Variants in ARPC2 observed in about 807,000 individuals in gnomAD.
ARPC2 encodes actin-related protein 2/3 complex subunit 2.
In ARPC2, 4 loss-of-function variants were observed where a neutral mutation model predicts 38.6. The ratio of observed to expected loss-of-function variants is 0.10; its 90% CI spans 0.05 to 0.24. ARPC2 has a LOEUF of 0.24. Among genes scored for constraint, ARPC2 ranks in the 10% least tolerant of loss-of-function variants. ARPC2 has a pLI of 1.00. For missense variants in ARPC2, 229 were observed against 387.3 expected (o/e 0.59, Z 3.43); for synonymous variants, 125 against 140.8 (o/e 0.89, Z 0.79).
intron 7 of ARPC2, among the ~76,000 whole-genome samples, chr2:218,240,467 A>G (rs1234536480): frequency 6.6e-6 from 1 of 152,178 alleles, no homozygotes; most frequent in East Asian, 1.9e-4. Context: ...GTCTTTTCAG[A>G]ATGGACTGTA....
At chr2:218,225,849 CT>C in intron 2 of ARPC2, 70 bp from the exon 3 acceptor site, 1 of 1,497,388 alleles carries the variant, frequency 6.7e-7, no homozygotes, top group Non-Finnish European at 9.3e-7. Flanking sequence ...GCTCAGGTGC[CT>C]TTCCAGTTCC....
At chr2:218,217,623 C>A in intron 2 of ARPC2, 79 bp downstream of exon 2, 1 of 1,412,984 alleles carries the variant, frequency 7.1e-7, no homozygotes, top group South Asian at 1.2e-5. Flanking sequence ...TCCAGTCCCC[C>A]AGACCTGGAG....
intron 7 of ARPC2, among the ~76,000 whole-genome samples, chr2:218,244,739 CAA>C (rs1361722330): frequency 5.9e-5 from 9 of 152,240 alleles, no homozygotes; most frequent in Admixed American, 2.0e-4. Flanking sequence ...ACTCCTAAAA[CAA>C]GAGACCTTGG....
At chr2:218,245,022 G>A (rs937584538) in intron 7 of ARPC2, among the ~76,000 whole-genome samples, 3 of 152,160 alleles carry the variant, frequency 2.0e-5, no homozygotes, top group African/African-American at 4.8e-5. Flanking sequence ...TCTTCTGTCC[G>A]CAAGAAGAGC....
At chr2:218,227,451 TCTCA>T (rs1689526422) in intron 3 of ARPC2, among the ~76,000 whole-genome samples, 1 of 152,258 alleles carries the variant, frequency 6.6e-6, no homozygotes, top group East Asian at 1.9e-4. Context: ...TGAGACTGAG[TCTCA>T]CTCTGTCACC....
At chr2:218,234,248 T>C in intron 4 of ARPC2, 104 bp from the exon 5 acceptor site, 1 of 860,620 alleles carries the variant, frequency 1.2e-6, no homozygotes, top group Non-Finnish European at 1.8e-6. Context: ...TTAGGAAGAA[T>C]GCCAACTTAG....
chr2:218,241,320 C>T (rs746785431), intron 7 of ARPC2, among the ~76,000 whole-genome samples: 1 of 152,140 alleles, frequency 6.6e-6, no homozygotes, highest in Non-Finnish European at 1.5e-5. Context: ...TAATCAGAAA[C>T]TAGTTTGGGA....
intron 4 of ARPC2, among the ~76,000 whole-genome samples, chr2:218,230,271 C>CTTTTCTTTTTT (rs1689598956): frequency 7.0e-6 from 1 of 142,520 alleles, no homozygotes; most frequent in Non-Finnish European, 1.5e-5. Context: ...CGTGCCCAGC[C>CTTTTCTTTTTT]TTTTCTTTTT....
chr2:218,228,460 G>A (rs538757230), intron 3 of ARPC2, among the ~76,000 whole-genome samples: 1 of 152,040 alleles, frequency 6.6e-6, no homozygotes, highest in Admixed American at 6.5e-5. Flanking sequence ...TATACTGTTC[G>A]TTCTGCTTAT....
rs111697110 is a variant in ARPC2 at position 218,239,371 on chromosome 2, A to T, written c.456-20A>T. On this transcript the variant is annotated intron_variant, in intron 6 of 10. Transcript: ENST00000315717. ...CCATTCTGATTCTGTACTTATCCTC[A>T]TGGATTTTGTTCCTCTCAGGTATGT... is the stretch of plus-strand genomic sequence containing the variant. 7.7e-5 allele frequency: 121 copies of T among 1,564,552 alleles called. No homozygotes were observed. The highest frequency in any genetic ancestry group is 1.0e-4 in the Non-Finnish European group (114 of 1,135,284).
chr2:218,224,289 G>A (rs1689448604), intron 2 of ARPC2, among the ~76,000 whole-genome samples: 1 of 152,100 alleles, frequency 6.6e-6, no homozygotes. Context: ...GTAGGAGAGT[G>A]AGGAACTCAG....
chr2:218,240,474 T>G (rs1176428384), intron 7 of ARPC2, among the ~76,000 whole-genome samples: 1 of 152,186 alleles, frequency 6.6e-6, no homozygotes, highest in Non-Finnish European at 1.5e-5. Context: ...CAGAATGGAC[T>G]GTATAGCCAA....
intron 7 of ARPC2, among the ~76,000 whole-genome samples, chr2:218,243,035 G>T (rs147634171): frequency 6.6e-6 from 1 of 152,102 alleles, no homozygotes; most frequent in African/African-American, 2.4e-5. Flanking sequence ...TTCCCTACTC[G>T]AAGGTTATAA....
chr2:218,240,740 A>C (rs2106155059), intron 7 of ARPC2, among the ~76,000 whole-genome samples: 2 of 152,238 alleles, frequency 1.3e-5, no homozygotes, highest in South Asian at 2.1e-4. Context: ...AAAAATACAA[A>C]AAATTAGCCG....
intron 2 of ARPC2, among the ~76,000 whole-genome samples, chr2:218,223,566 G>A (rs138709254): frequency 4.6e-5 from 7 of 152,286 alleles, no homozygotes; most frequent in Non-Finnish European, 8.8e-5. Context: ...ATCCCCCACA[G>A]ATAAGGGGAG....
At chr2:218,251,293 C>T (rs1156468716) in intron 10 of ARPC2, among the ~76,000 whole-genome samples, 2 of 152,194 alleles carry the variant, frequency 1.3e-5, no homozygotes, top group Non-Finnish European at 1.5e-5. Context: ...TTCACTACGA[C>T]CTCTGCCTCC....
At chr2:218,237,975 G>A (rs1317395285) in intron 5 of ARPC2, among the ~76,000 whole-genome samples, 2 of 152,180 alleles carry the variant, frequency 1.3e-5, no homozygotes, top group Non-Finnish European at 2.9e-5. Flanking sequence ...GGCAAGTCAC[G>A]TCACTTCTTT....
Position 218,217,253 on chromosome 2 carries a change from A to G in ARPC2, c.-10A>G. 2.3e-6 allele frequency: 1 copy of G among 428,318 alleles called. No homozygotes were observed. The highest frequency in any genetic ancestry group is 3.0e-5 in the South Asian group (1 of 33,778). 26.5% of individuals were successfully genotyped at this position (428,318 alleles called of 1,614,324 possible). The stretch of plus-strand genomic sequence containing the variant: ...CAGGCGGGTTCAGGCTTCGGGGGCC[A>G]GGTCGGTTGGGTGGGTGGGTGTCTC... On this transcript the variant is annotated splice_region_variant and 5_prime_UTR_variant, in exon 1 of 11. Transcript: ENST00000315717.
In ARPC2 at chr2:218,249,885, G is replaced by T. The variant is rs188696608; in HGVS notation, c.842G>T (p.Arg281Leu). ...SDFLKVLNRA[R>L]PDAEKKEMKT... ...TTCCTCAAGGTGCTGAACCGCGCACGCCCAGATGCCGAGAAAAAAGAAATG... is the reference window on the plus strand; with the variant it reads ...TTCCTCAAGGTGCTGAACCGCGCACTCCCAGATGCCGAGAAAAAAGAAATG... The change falls in exon 10 of 11, where the codon CGC becomes CTC. Residue 281 changes from arginine to leucine, a missense_variant. Around this residue, in one of 3 missense-constraint regions of ARPC2, gnomAD observed 92 missense variants for 152.3 expected, o/e 0.60. Transcript: ENST00000315717. The T allele has an allele frequency of 1.2e-6, 2 of 1,613,514 alleles. No homozygotes were observed. Among genetic ancestry groups the T allele is most frequent in the Non-Finnish European group, 1.7e-6 (2 of 1,179,806 alleles).
Sources: gnomAD v4.1 joint callset for allele counts (sites outside exome capture counted in the v4.1 genomes callset) on GRCh38, gnomAD v4.1.1 for gene constraint, gnomAD v4.1.1 regional missense constraint, MANE v1.5 for transcripts, NCBI Gene and HGNC (gene_info 2026-07-23, HGNC 2026-07-21) for gene names.